DNMBP: variants seen among roughly 807,000 people sequenced by gnomAD.
DNMBP encodes the protein dynamin-binding protein.
DNMBP carries 87 observed loss-of-function variants against 150.0 expected under a neutral mutation model. That is an observed-to-expected ratio of 0.58 (90% CI 0.49 to 0.69). The LOEUF is 0.69. DNMBP is among the 30% of genes least tolerant of loss of function. The pLI is 0.00. For missense variants in DNMBP, 1,774 were observed against 1,949.0 expected (o/e 0.91, Z 1.69); for synonymous variants, 711 against 750.4 (o/e 0.95, Z 0.86).
chr10:99,896,411 C>A lies in DNMBP; in HGVS notation c.2921-14G>T. The stretch of plus-strand genomic sequence containing the variant: ...GGTACTTGAGGACTAGGGAGTAAGT[C>A]AGAAAAGCACTTTCCTCAGCATGGG... On this transcript the variant is annotated splice_polypyrimidine_tract_variant and intron_variant, in intron 9 of 16. Transcript: ENST00000324109. The A allele has an allele frequency of 6.2e-7, 1 of 1,613,880 alleles. No individual in the cohort carries two copies. The highest frequency in any genetic ancestry group is 1.1e-5 in the South Asian group (1 of 91,000).
chr10:99,967,590 A>C (rs1463255772), intron 3 of DNMBP, among the ~76,000 whole-genome samples: 1 of 152,182 alleles, frequency 6.6e-6, no homozygotes, highest in Non-Finnish European at 1.5e-5. Context: ...TTCTCAAAAT[A>C]GATTTTGAGG....
chr10:100,008,503 A>T (rs560614141), intron 1 of DNMBP, among the ~76,000 whole-genome samples: 29 of 152,348 alleles, frequency 1.9e-4, no homozygotes, highest in Non-Finnish European at 2.1e-4. Context: ...CAATTTGAAA[A>T]GTCACTTTTC....
intron 14 of DNMBP, among the ~76,000 whole-genome samples, chr10:99,884,942 A>C (rs1330913747): frequency 1.3e-5 from 2 of 152,102 alleles, no homozygotes; most frequent in East Asian, 1.9e-4. Flanking sequence ...AATATAAATT[A>C]ATGTCTATGG....
chr10:99,955,802 C>A lies in DNMBP; in HGVS notation c.1672G>T (p.Glu558Ter). Residue 558 changes from glutamate (E) to a stop codon, truncating the protein, a stop_gained, in exon 4 of 17, where the codon GAG becomes TAG. Transcript: ENST00000324109. LOFTEE classifies it high-confidence loss of function. ...LDSKLTQQLI[E>*]FEKSLAGPGT... ...GGCCCTGCCAAGCTCTTCTCAAACT[C>A]GATCAGCTGTTGTGTCAGCTTCGAG... is the stretch of plus-strand genomic sequence containing the variant. 6.2e-7 allele frequency: 1 copy of A among 1,614,224 alleles called. No individual in the cohort carries two copies. The highest frequency in any genetic ancestry group is 8.5e-7 in the Non-Finnish European group (1 of 1,180,048).
At chr10:100,001,003 C>T (rs1224906392) in intron 1 of DNMBP, among the ~76,000 whole-genome samples, 3 of 150,716 alleles carry the variant, frequency 2.0e-5, no homozygotes, top group Admixed American at 1.3e-4. Context: ...GAGGCCGAGG[C>T]GGGCAGATCA....
chr10:99,919,403 T>C (rs1212824029), intron 4 of DNMBP, among the ~76,000 whole-genome samples: 1 of 152,264 alleles, frequency 6.6e-6, no homozygotes, highest in Admixed American at 6.5e-5. Context: ...TTTACTTTTA[T>C]TCCTTCCACT....
At chr10:99,899,861 A>G (rs1309076994) in intron 7 of DNMBP, 58 bp downstream of exon 7, 1 of 1,571,100 alleles carries the variant, frequency 6.4e-7, no homozygotes, top group South Asian at 1.1e-5. Flanking sequence ...GCATATACAC[A>G]GGTATAACTT....
intron 4 of DNMBP, among the ~76,000 whole-genome samples, chr10:99,922,468 G>A (rs556257138): frequency 1.3e-5 from 2 of 148,592 alleles, no homozygotes; most frequent in African/African-American, 5.0e-5. Flanking sequence ...ATAGGTAATG[G>A]CTTGGGAAGA....
rs1314456108 is a variant in DNMBP, at chr10:99,956,870, A to G, written c.604T>C (p.Leu202=). ...TCATCCACAGTCCTCAGGGGCCCCA[A>G]CAGCTCTACAAAACCTTCTGGAAAA... ...GIFPEGFVEL[L]GPLRTVDESV... Residue 202 remains leucine (L), a synonymous_variant, in exon 4 of 17, where the codon TTG becomes CTG. Transcript: ENST00000324109. 6.2e-7 allele frequency: 1 copy of G among 1,614,208 alleles called. No individual in the cohort carries two copies. Among genetic ancestry groups the G allele is most frequent in the South Asian group, 1.1e-5 (1 of 91,086 alleles).
intron 6 of DNMBP, among the ~76,000 whole-genome samples, chr10:99,903,478 G>T (rs1211130955): frequency 1.3e-5 from 2 of 152,036 alleles, no homozygotes; most frequent in Non-Finnish European, 2.9e-5. Flanking sequence ...AACTACAAGT[G>T]TGCCCCACCA....
intron 1 of DNMBP, among the ~76,000 whole-genome samples, chr10:100,008,849 G>A (rs775358836): frequency 1.6e-4 from 24 of 152,296 alleles, no homozygotes; most frequent in Admixed American, 2.6e-4. Context: ...CTTCAGTCTT[G>A]CAAAAACTAC....
intron 4 of DNMBP, among the ~76,000 whole-genome samples, chr10:99,915,731 A>C (rs545700474): frequency 1.3e-5 from 2 of 152,176 alleles, no homozygotes; most frequent in Non-Finnish European, 2.9e-5. Flanking sequence ...AAAAGAAAAC[A>C]AATATTTATA....
intron 4 of DNMBP, among the ~76,000 whole-genome samples, 156 bp downstream of exon 4, chr10:99,955,058 A>G (rs957233312): frequency 2.7e-5 from 4 of 150,620 alleles, no homozygotes; most frequent in African/African-American, 9.8e-5. Context: ...CTCAAAAAAA[A>G]GGAAAAAAAA....
chr10:99,974,989 A>C (rs539905869), intron 1 of DNMBP, among the ~76,000 whole-genome samples: 3 of 152,304 alleles, frequency 2.0e-5, no homozygotes, highest in East Asian at 3.9e-4. Context: ...GCTGGTCTCA[A>C]ACTCCTGGGC....
chr10:99,912,966 C>T (rs2039918777), intron 4 of DNMBP, among the ~76,000 whole-genome samples: 1 of 152,126 alleles, frequency 6.6e-6, no homozygotes, highest in Admixed American at 6.5e-5. Flanking sequence ...TTCCTTTATG[C>T]CACATATATT....
At chr10:99,913,577 C>G (rs933002685) in intron 4 of DNMBP, among the ~76,000 whole-genome samples, 7 of 152,152 alleles carry the variant, frequency 4.6e-5, no homozygotes, top group African/African-American at 1.7e-4. Context: ...GACTGTTGCA[C>G]AAATTTACTT....
intron 11 of DNMBP, among the ~76,000 whole-genome samples, chr10:99,891,180 C>CTCTCCCTCTCCCCACCG (rs1158604267): frequency 1.3e-5 from 2 of 149,040 alleles, no homozygotes; most frequent in Admixed American, 6.7e-5. Context: ...CTCCCTCCCC[C>CTCTCCCTCTCCCCACCG]TCTCCCTCTC....
chr10:100,005,145 T>C (rs1036241154), intron 1 of DNMBP, among the ~76,000 whole-genome samples: 2 of 152,166 alleles, frequency 1.3e-5, no homozygotes, highest in East Asian at 1.9e-4. Flanking sequence ...TCCTCAAATA[T>C]TAATACTTCC....
Position 99,956,757 on chromosome 10 carries a change from C to T in DNMBP, c.717G>A (p.Glu239=). The change falls in exon 4 of 17, where the codon GAG becomes GAA. Residue 239 remains glutamate (E), a synonymous_variant. Transcript: ENST00000324109. ...CATAGGTCCCTGGCTCCTCCTCATC[C>T]TCATCCGGCCCTATCTCTTCTTCTC... is the stretch of plus-strand genomic sequence containing the variant. ...PVGEEEIGPD[E]DEEEPGTYGV... is the part of the protein sequence containing the mutation. The T allele has an allele frequency of 1.2e-6, 2 of 1,614,198 alleles. No individual in the cohort carries two copies. The highest frequency in any genetic ancestry group is 1.7e-6 in the Non-Finnish European group (2 of 1,180,026).
Sources: gnomAD v4.1 joint callset for allele counts (sites outside exome capture counted in the v4.1 genomes callset) on GRCh38, gnomAD v4.1.1 for gene constraint, MANE v1.5 for transcripts, NCBI Gene and HGNC (gene_info 2026-07-23, HGNC 2026-07-21) for gene names.